The following TANC1 variants were observed in gnomAD, a reference collection of about 807,000 sequenced individuals.
TANC1 encodes tetratricopeptide repeat, ankyrin repeat and coiled-coil containing 1, also known as protein TANC1.
A neutral mutation model predicts 149.7 loss-of-function variants in TANC1; 77 were observed. The ratio of observed to expected loss-of-function variants is 0.51; its 90% CI spans 0.43 to 0.62. The LOEUF is 0.62. Among genes scored for constraint, TANC1 ranks in the 20% least tolerant of loss-of-function variants. The pLI is 0.00. For missense variants in TANC1, 1,985 were observed against 2,321.8 expected, an observed-to-expected ratio of 0.85 and a Z score of 2.98; for synonymous variants, 854 against 925.0, an observed-to-expected ratio of 0.92 and a Z score of 1.39.
intron 1 of TANC1, among the ~76,000 whole-genome samples, chr2:158,981,954 A>T (rs1254352361): frequency 2.6e-5 from 4 of 152,104 alleles, no homozygotes; most frequent in Non-Finnish European, 5.9e-5. Flanking sequence ...TTCTATGTAC[A>T]TTGTCTTAGA....
intron 4 of TANC1, among the ~76,000 whole-genome samples, chr2:159,125,917 C>G (rs575977722): frequency 6.6e-6 from 1 of 152,120 alleles, no homozygotes; most frequent in African/African-American, 2.4e-5. Flanking sequence ...TGGCTGTCAG[C>G]TGAGGATTCT....
At chr2:159,015,806 C>A (rs1210266377) in intron 2 of TANC1, among the ~76,000 whole-genome samples, 1 of 152,184 alleles carries the variant, frequency 6.6e-6, no homozygotes, top group South Asian at 2.1e-4. Flanking sequence ...ACCTTTGCTC[C>A]AGTTCCTGAT....
At chr2:159,153,558 A>G (rs1354753943) in intron 7 of TANC1, among the ~76,000 whole-genome samples, 1 of 152,222 alleles carries the variant, frequency 6.6e-6, no homozygotes, top group Non-Finnish European at 1.5e-5. Context: ...ATGCAGAATT[A>G]GAACCTGTTG....
chr2:159,006,172 C>T (rs568180047), intron 2 of TANC1, among the ~76,000 whole-genome samples: 1 of 151,744 alleles, frequency 6.6e-6, no homozygotes, highest in Non-Finnish European at 1.5e-5. Context: ...TGGTGCACAC[C>T]TGTAGTCCCA....
At chr2:159,159,163 A>T (rs1299110638) in intron 7 of TANC1, among the ~76,000 whole-genome samples, 1 of 152,136 alleles carries the variant, frequency 6.6e-6, no homozygotes, top group Non-Finnish European at 1.5e-5. Context: ...TCAACATAGA[A>T]CCTTCAGAAG....
chr2:159,094,895 A>C (rs751282480), intron 3 of TANC1, among the ~76,000 whole-genome samples: 1 of 151,956 alleles, frequency 6.6e-6, no homozygotes, highest in Non-Finnish European at 1.5e-5. Context: ...GGGCATTTGC[A>C]TGAATGTCCT....
At chr2:159,198,930 C>T (rs750095055) in intron 18 of TANC1, 45 bp from the exon 19 acceptor site, 1 of 1,414,798 alleles carries the variant, frequency 7.1e-7, no homozygotes, top group Admixed American at 1.7e-5. Flanking sequence ...TAATAAGCAC[C>T]TCTTGCTAAG....
intron 5 of TANC1, 191 bp from the exon 6 acceptor site, chr2:159,148,951 G>C: frequency 1.8e-6 from 1 of 564,514 alleles, no homozygotes; most frequent in East Asian, 3.0e-5. Context: ...TTGTTTTACT[G>C]TTTCCTTAAC....
chr2:159,042,948 G>A (rs116297154), intron 2 of TANC1, among the ~76,000 whole-genome samples: 1,777 of 152,234 alleles, frequency 0.012, 38 homozygotes, highest in African/African-American at 0.042. Flanking sequence ...TGTGGACTGG[G>A]CTGTAAACCT....
intron 3 of TANC1, among the ~76,000 whole-genome samples, chr2:159,089,680 A>G (rs1232393505): frequency 6.6e-6 from 1 of 152,216 alleles, no homozygotes; most frequent in African/African-American, 2.4e-5. Context: ...AGAGATGACC[A>G]GGACCTGGAA....
intron 3 of TANC1, among the ~76,000 whole-genome samples, chr2:159,069,786 T>G (rs978009519): frequency 2.3e-5 from 2 of 87,002 alleles, no homozygotes; most frequent in Admixed American, 2.4e-4. Context: ...TTTTTTTTTT[T>G]GAGACAGGGT....
Position 159,170,661 on chromosome 2 carries a change from G to A in TANC1, c.1207G>A (p.Glu403Lys). The stretch of plus-strand genomic sequence containing the variant: ...GATAGAAGAAAACTTGAGGAACACA[G>A]AACTGGCAGAAAACAGAGGCGCGGT... ...HQIEENLRNT[E>K]LAENRGAVVV... Residue 403 changes from glutamate to lysine, a missense_variant, in exon 10 of 27, where the codon GAA becomes AAA. Around this residue, in one of 3 missense-constraint regions of TANC1, gnomAD observed 557 missense variants for 612.9 expected, o/e 0.91. Coordinates refer to ENST00000263635, the MANE Select transcript of TANC1 (RefSeq NM_033394.3). The A allele has an allele frequency of 1.9e-6, 3 of 1,614,178 alleles. No individual in the cohort carries two copies. The highest frequency in any genetic ancestry group is 2.5e-6 in the Non-Finnish European group (3 of 1,180,046).
At chr2:159,107,582 A>G (rs1238702610) in intron 4 of TANC1, among the ~76,000 whole-genome samples, 2 of 152,132 alleles carry the variant, frequency 1.3e-5, no homozygotes, top group East Asian at 3.9e-4. Context: ...TCCTGGCACC[A>G]TTTACTGAAA....
intron 4 of TANC1, among the ~76,000 whole-genome samples, chr2:159,105,303 C>CT (rs898397061): frequency 1.4e-5 from 2 of 147,828 alleles, no homozygotes; most frequent in East Asian, 1.9e-4. Flanking sequence ...CAGATACTTA[C>CT]TTTTTAAAAA....
chr2:159,182,992 A>T (rs1388360558), intron 14 of TANC1, among the ~76,000 whole-genome samples: 4 of 152,370 alleles, frequency 2.6e-5, no homozygotes, highest in Non-Finnish European at 1.5e-5. Flanking sequence ...GTTCTGCAAC[A>T]GCAAATCTAG....
chr2:159,127,394 C>T (rs1481958144), intron 4 of TANC1, among the ~76,000 whole-genome samples: 1 of 152,228 alleles, frequency 6.6e-6, no homozygotes, highest in Non-Finnish European at 1.5e-5. Context: ...TCATGGAAGA[C>T]AGTGTGGCGA....
chr2:159,206,635 G>A (rs2058624031), intron 19 of TANC1, among the ~76,000 whole-genome samples: 1 of 152,196 alleles, frequency 6.6e-6, no homozygotes, highest in Admixed American at 6.5e-5. Flanking sequence ...ACAGAAAAAT[G>A]TATTCATTCA....
chr2:159,085,561 G>A (rs972872745), intron 3 of TANC1, among the ~76,000 whole-genome samples: 3 of 152,106 alleles, frequency 2.0e-5, no homozygotes, highest in African/African-American at 4.8e-5. Context: ...AGAAAGGGGG[G>A]TTATTTTGTC....
At chr2:159,031,014 C>T (rs545265378) in intron 2 of TANC1, among the ~76,000 whole-genome samples, 1 of 152,254 alleles carries the variant, frequency 6.6e-6, no homozygotes, top group South Asian at 2.1e-4. Flanking sequence ...GTCAGAGTGA[C>T]CTCCAGTCCC....
Sources: gnomAD v4.1 joint callset for allele counts (sites outside exome capture counted in the v4.1 genomes callset) on GRCh38, gnomAD v4.1.1 for gene constraint, gnomAD v4.1.1 regional missense constraint, MANE v1.5 for transcripts, NCBI Gene and HGNC (gene_info 2026-07-23, HGNC 2026-07-21) for gene names.